AGBL1: variants seen among roughly 807,000 people sequenced by gnomAD.
AGBL1 encodes the protein cytosolic carboxypeptidase 4.
Under a neutral mutation model 118.9 loss-of-function variants are expected in AGBL1, and 130 were observed. The observed-to-expected ratio is 1.09, with a 90% CI of 0.95 to 1.26. AGBL1 has a LOEUF of 1.26. AGBL1 is among the 50% of genes most tolerant of loss of function. AGBL1 has a pLI of 0.00. For missense variants in AGBL1, 1,584 were observed against 1,298.1 expected (o/e 1.22, Z -3.38); for synonymous variants, 555 against 478.9 (o/e 1.16, Z -2.08).
intron 19 of AGBL1, among the ~76,000 whole-genome samples, chr15:86,526,130 T>G (rs1475884181): frequency 1.3e-5 from 2 of 152,152 alleles, no homozygotes; most frequent in Non-Finnish European, 2.9e-5. Flanking sequence ...ACGTCACTAA[T>G]TATCAGGGAT....
At chr15:87,021,616 C>A (rs927297233) in intron 24 of AGBL1, among the ~76,000 whole-genome samples, 4 of 152,076 alleles carry the variant, frequency 2.6e-5, no homozygotes, top group Non-Finnish European at 5.9e-5. Context: ...GCCTAATATC[C>A]AGAGTCTATA....
At chr15:86,624,012 C>A (rs888747851) in intron 21 of AGBL1, among the ~76,000 whole-genome samples, 2 of 152,150 alleles carry the variant, frequency 1.3e-5, no homozygotes, top group Non-Finnish European at 1.5e-5. Flanking sequence ...AAACTAGGGG[C>A]CTTTCCATAA....
intron 22 of AGBL1, among the ~76,000 whole-genome samples, chr15:86,850,163 G>A (rs1266906328): frequency 6.6e-6 from 1 of 152,122 alleles, no homozygotes; most frequent in East Asian, 1.9e-4. Flanking sequence ...CTATTTAGTG[G>A]AGCTGAAATG....
intron 22 of AGBL1, among the ~76,000 whole-genome samples, chr15:86,830,667 C>A (rs1234937542): frequency 1.3e-5 from 2 of 152,138 alleles, no homozygotes; most frequent in Non-Finnish European, 2.9e-5. Flanking sequence ...CACGTAGCTC[C>A]ATTTATTTAA....
At chr15:86,511,923 T>C (rs575255038) in intron 18 of AGBL1, among the ~76,000 whole-genome samples, 19 of 152,134 alleles carry the variant, frequency 1.2e-4, no homozygotes, top group Admixed American at 1.2e-3. Context: ...AAGATATAAA[T>C]AAATGTAGAG....
At chr15:86,390,606 C>T (rs1397039380) in intron 17 of AGBL1, among the ~76,000 whole-genome samples, 2 of 148,696 alleles carry the variant, frequency 1.3e-5, no homozygotes, top group Non-Finnish European at 3.0e-5. Flanking sequence ...AGATAGCTCC[C>T]AAAAGTATTA....
intron 23 of AGBL1, among the ~76,000 whole-genome samples, chr15:86,942,240 C>G (rs553901177): frequency 1.3e-5 from 2 of 152,282 alleles, no homozygotes; most frequent in South Asian, 4.1e-4. Flanking sequence ...GTGAGGGAGA[C>G]AGCAACAGTC....
chr15:86,141,048 T>G (rs1019496833), intron 1 of AGBL1, among the ~76,000 whole-genome samples: 5 of 152,192 alleles, frequency 3.3e-5, no homozygotes, highest in African/African-American at 1.2e-4. Flanking sequence ...TACCCTCTCC[T>G]CCAAATATCT....
intron 18 of AGBL1, among the ~76,000 whole-genome samples, chr15:86,454,778 TA>T (rs2082239943): frequency 6.6e-6 from 1 of 152,164 alleles, no homozygotes; most frequent in South Asian, 2.1e-4. Flanking sequence ...TTTGAGGTGA[TA>T]AAAAATTTTA....
chr15:86,260,410 T>G (rs2078964554), intron 9 of AGBL1, among the ~76,000 whole-genome samples: 2 of 152,326 alleles, frequency 1.3e-5, no homozygotes, highest in African/African-American at 4.8e-5. Flanking sequence ...GATTGAAAAC[T>G]GCCAAGGTCA....
At chr15:86,115,976 A>G (rs575800470) in intron 1 of AGBL1, among the ~76,000 whole-genome samples, 4 of 152,322 alleles carry the variant, frequency 2.6e-5, no homozygotes, top group Non-Finnish European at 5.9e-5. Flanking sequence ...TGAGGTTGGT[A>G]TTTAAGTCAG....
rs556482028 is a variant in AGBL1 at position 86,274,390 on chromosome 15, A to G, written c.2075+2684A>G. On this transcript the variant is annotated intron_variant, in intron 15 of 22. Transcript: ENST00000614907. ...TAGGCTATGTCCATTCTGCCATTTT[A>G]TGGTCATTTTGATTGCAATTTAATT... Among the ~76,000 whole-genome samples, 3 of 152,236 alleles carry G rather than the reference A, an allele frequency of 2.0e-5. No individual in the cohort carries two copies. The East Asian group carries it at 5.8e-4, about 29-fold the overall frequency.
Position 86,271,608 on chromosome 15 carries a change from A to G in AGBL1, c.1988-11A>G, listed in dbSNP as rs755348864. 1.3e-6 allele frequency: 2 copies of G among 1,598,010 alleles called. No homozygotes were observed. The highest frequency in any genetic ancestry group is 1.1e-5 in the South Asian group (1 of 90,686). ...TCCCTCATGGATTAATTCCTTTCTGATTTTGTGTAGGGATGCAGCCCACCC... is the reference window on the plus strand; with the variant it reads ...TCCCTCATGGATTAATTCCTTTCTGGTTTTGTGTAGGGATGCAGCCCACCC... On this transcript the variant is annotated splice_polypyrimidine_tract_variant and intron_variant, in intron 14 of 22. Transcript: ENST00000614907.
intron 17 of AGBL1, among the ~76,000 whole-genome samples, chr15:86,394,259 A>T (rs1008690261): frequency 1.3e-5 from 2 of 152,100 alleles, no homozygotes; most frequent in Non-Finnish European, 2.9e-5. Flanking sequence ...TAAACATGTC[A>T]TCTATAATAA....
rs1323756562 is a variant in AGBL1, at chr15:86,674,426, C to T, written c.3148C>T (p.His1050Tyr). 1 of 1,606,746 alleles carries T rather than the reference C, an allele frequency of 6.2e-7. No homozygotes were observed. The highest frequency in any genetic ancestry group is 1.7e-5 in the Admixed American group (1 of 59,862). ...LSAEEDALDQ[H>Y]LQRCSSSSGS... ...TGCTGAGGAGGACGCTCTGGACCAG[C>T]ACCTCCAACGGTAAGATGCTCCCAA... is the stretch of plus-strand genomic sequence containing the variant. Residue 1050 changes from histidine (H) to tyrosine (Y), a missense_variant, in exon 22 of 23, where the codon CAC becomes TAC. Coordinates refer to ENST00000614907, the MANE Select transcript of AGBL1 (RefSeq NM_001386094.1).
chr15:86,706,605 G>A (rs1194620145), intron 22 of AGBL1, among the ~76,000 whole-genome samples: 1 of 152,080 alleles, frequency 6.6e-6, no homozygotes, highest in African/African-American at 2.4e-5. Context: ...CTCGCGATTT[G>A]TTTTATAAGA....
At chr15:86,876,737 C>T (rs1302757382) in intron 22 of AGBL1, among the ~76,000 whole-genome samples, 3 of 152,132 alleles carry the variant, frequency 2.0e-5, no homozygotes, top group Non-Finnish European at 4.4e-5. Context: ...GGCTGCATTC[C>T]AAAACAAGAA....
chr15:86,473,897 C>A (rs2082516020), intron 18 of AGBL1, among the ~76,000 whole-genome samples: 1 of 152,038 alleles, frequency 6.6e-6, no homozygotes, highest in Non-Finnish European at 1.5e-5. Flanking sequence ...CCAAATTTTC[C>A]TTTGGAAAAT....
Position 86,369,463 on chromosome 15 carries a change from T to C in AGBL1, c.2375-27903T>C, listed in dbSNP as rs2080939420. On this transcript the variant is annotated intron_variant, in intron 17 of 22. Transcript: ENST00000614907. ...ACACTAATAGATAAAGAGTAGAATA[T>C]ATTAAACTCCATCAACTTAAGCATG... Among the ~76,000 whole-genome samples, 3 of 152,046 alleles carry C rather than the reference T, an allele frequency of 2.0e-5. No homozygotes were observed. The South Asian group carries it at 6.2e-4, about 31-fold the overall frequency.
Sources: gnomAD v4.1 joint callset for allele counts (sites outside exome capture counted in the v4.1 genomes callset) on GRCh38, gnomAD v4.1.1 for gene constraint, MANE v1.5 for transcripts, NCBI Gene and HGNC (gene_info 2026-07-23, HGNC 2026-07-21) for gene names.